The following RFTN2 variants were observed in gnomAD, a reference collection of about 807,000 sequenced individuals.
The protein encoded by RFTN2 is raftlin family member 2, also known as raftlin-2.
Under a neutral mutation model 52.7 loss-of-function variants are expected in RFTN2, and 34 were observed. The observed-to-expected ratio is 0.64, with a 90% CI of 0.49 to 0.86. RFTN2 has a LOEUF of 0.86. Ranked by LOEUF, RFTN2 falls within the 40% of genes least tolerant of loss-of-function variation. RFTN2 has a pLI of 0.00. For synonymous variants in RFTN2, 203 were observed against 217.7 expected (o/e 0.93, Z 0.59); for missense variants, 536 against 600.1 (o/e 0.89, Z 1.12).
chr2:197,573,811 C>A (rs2087366756), intron 8 of RFTN2, among the ~76,000 whole-genome samples: 1 of 152,228 alleles, frequency 6.6e-6, no homozygotes, highest in Non-Finnish European at 1.5e-5. Flanking sequence ...TGCTGCCCTG[C>A]ATCCCAGCCA....
chr2:197,619,784 T>TAA (rs1240340514), intron 5 of RFTN2, among the ~76,000 whole-genome samples: 1 of 147,770 alleles, frequency 6.8e-6, no homozygotes, highest in Non-Finnish European at 1.5e-5. Flanking sequence ...AAAATAAAAT[T>TAA]AAAAAAAAAC....
chr2:197,675,271 T>C lies in RFTN2; in HGVS notation c.139+49A>G, dbSNP rs1393035491. Reference sequence around the variant, plus strand: ...TAAGTCAACACTTAAAAATGACTAGTAGTCTCATCTCTGAAACATTTAACA... The same window carrying C: ...TAAGTCAACACTTAAAAATGACTAGCAGTCTCATCTCTGAAACATTTAACA... On this transcript the variant is annotated intron_variant, in intron 1 of 8. Coordinates refer to ENST00000295049, the MANE Select transcript of RFTN2 (RefSeq NM_144629.3). The C allele has an allele frequency of 4.9e-6, 7 of 1,437,332 alleles. No homozygotes were observed. In the South Asian group the frequency reaches 7.4e-5, roughly 15 times the overall value. The allele number at this position is 1,437,332 out of a possible 1,614,324, so 89.0% of individuals were successfully genotyped here. A position where few individuals can be genotyped will look rare whatever the true frequency, so the allele number is the denominator to read the frequency against.
intron 3 of RFTN2, among the ~76,000 whole-genome samples, chr2:197,639,230 T>G (rs1468093789): frequency 8.3e-6 from 1 of 121,184 alleles, no homozygotes; most frequent in Non-Finnish European, 1.7e-5. Flanking sequence ...GGAGTTGCTC[T>G]TCTCGAGGAG....
intron 1 of RFTN2, among the ~76,000 whole-genome samples, chr2:197,665,950 T>G (rs947116439): frequency 6.6e-6 from 1 of 152,218 alleles, no homozygotes; most frequent in Non-Finnish European, 1.5e-5. Context: ...TGTTTTATAC[T>G]TTTGTGTATT....
intron 1 of RFTN2, among the ~76,000 whole-genome samples, chr2:197,662,589 CTT>C (rs958206998): frequency 1.3e-5 from 2 of 151,424 alleles, no homozygotes; most frequent in African/African-American, 2.4e-5. Flanking sequence ...TATTCTGACT[CTT>C]TTGTGGTTCC....
intron 8 of RFTN2, among the ~76,000 whole-genome samples, chr2:197,585,034 C>A (rs2087573219): frequency 6.6e-6 from 1 of 152,206 alleles, no homozygotes; most frequent in East Asian, 1.9e-4. Context: ...AGGATCCTCC[C>A]TACTGGGTTC....
intron 1 of RFTN2, among the ~76,000 whole-genome samples, chr2:197,661,464 G>T (rs903621606): frequency 2.0e-5 from 3 of 151,980 alleles, no homozygotes; most frequent in South Asian, 2.1e-4. Flanking sequence ...CCCAGGCTGG[G>T]ATTTCATTCT....
chr2:197,624,597 C>CAAAAAAAAAAAAAAAA (rs746144794), intron 5 of RFTN2, among the ~76,000 whole-genome samples: 1 of 57,914 alleles, frequency 1.7e-5, no homozygotes. Flanking sequence ...GACTCTGTCT[C>CAAAAAAAAAAAAAAAA]AAAAAAAAAA....
chr2:197,620,756 A>G (rs1226091071), intron 5 of RFTN2, among the ~76,000 whole-genome samples: 1 of 152,158 alleles, frequency 6.6e-6, no homozygotes, highest in Non-Finnish European at 1.5e-5. Flanking sequence ...CACCTGCGGT[A>G]GGGAGTTTGA....
At chr2:197,638,149 T>C (rs1455911122) in intron 3 of RFTN2, among the ~76,000 whole-genome samples, 1 of 143,308 alleles carries the variant, frequency 7.0e-6, no homozygotes, top group Non-Finnish European at 1.5e-5. Flanking sequence ...GAGGAGAGCT[T>C]TACTTCCAAC....
At chr2:197,599,193 C>T (rs2087841719) in intron 7 of RFTN2, among the ~76,000 whole-genome samples, 1 of 152,160 alleles carries the variant, frequency 6.6e-6, no homozygotes, top group Admixed American at 6.5e-5. Context: ...CCCACCTCGG[C>T]CTCCCAAAGT....
Position 197,646,583 on chromosome 2 carries a change from T to A in RFTN2, c.223A>T (p.Ile75Phe). ...ATAACAGGATGAATAGCCCCGACAA[T>A]ATATCCTTTAAGATAATAGTTTTCC... ...KVENYYLKGY[I>F]VGAIHPVIQP... is the part of the protein sequence containing the mutation. The change falls in exon 2 of 9, where the codon ATT becomes TTT. Residue 75 changes from isoleucine to phenylalanine, a missense_variant. Transcript: ENST00000295049. The A allele has an allele frequency of 6.2e-7, 1 of 1,612,898 alleles. No homozygotes were observed.
intron 8 of RFTN2, among the ~76,000 whole-genome samples, chr2:197,590,659 G>A (rs1296326631): frequency 1.3e-5 from 2 of 152,198 alleles, no homozygotes; most frequent in Admixed American, 1.3e-4. Context: ...TCCTTCTGGT[G>A]TTTGGATGTG....
intron 8 of RFTN2, among the ~76,000 whole-genome samples, chr2:197,576,146 C>A (rs111703127): frequency 6.6e-6 from 1 of 151,774 alleles, no homozygotes; most frequent in Admixed American, 6.6e-5. Context: ...GTAGCTGGGA[C>A]TCCAGGCATG....
intron 7 of RFTN2, among the ~76,000 whole-genome samples, chr2:197,598,958 CTT>C (rs759636529): frequency 1.5e-4 from 22 of 145,174 alleles, no homozygotes; most frequent in Admixed American, 6.8e-5. Flanking sequence ...TCTTCTTCTT[CTT>C]TTTTTTTTTT....
intron 7 of RFTN2, among the ~76,000 whole-genome samples, chr2:197,605,414 A>C (rs1458661062): frequency 1.3e-5 from 2 of 151,876 alleles, no homozygotes; most frequent in African/African-American, 2.4e-5. Context: ...ACGGGGTTTC[A>C]CTGTGTTAGC....
chr2:197,634,014 G>A lies in RFTN2; in HGVS notation c.439-17C>T, dbSNP rs768954551. 1.9e-6 allele frequency: 3 copies of A among 1,592,652 alleles called. No individual in the cohort carries two copies. Among genetic ancestry groups the A allele is most frequent in the Non-Finnish European group, 2.6e-6 (3 of 1,167,926 alleles). On this transcript the variant is annotated splice_polypyrimidine_tract_variant and intron_variant, in intron 3 of 8. Transcript: ENST00000295049. ...GACATTAATCTGATATTTAAAAAGA[G>A]ATGGCAGAACAAAATGTAAACTCTA...
At chr2:197,579,476 A>G (rs1025854218) in intron 8 of RFTN2, among the ~76,000 whole-genome samples, 3 of 152,186 alleles carry the variant, frequency 2.0e-5, no homozygotes, top group African/African-American at 4.8e-5. Flanking sequence ...CTTGACTTCA[A>G]TGCAAACTCA....
At chr2:197,675,254 C>G (rs1042362926) in intron 1 of RFTN2, 66 bp downstream of exon 1, 32 of 1,271,536 alleles carry the variant, frequency 2.5e-5, no homozygotes, top group Non-Finnish European at 3.4e-5. Flanking sequence ...ATTAAGTCAA[C>G]ACTTAAAAAT....
Sources: gnomAD v4.1 joint callset for allele counts (sites outside exome capture counted in the v4.1 genomes callset) on GRCh38, gnomAD v4.1.1 for gene constraint, MANE v1.5 for transcripts, NCBI Gene and HGNC (gene_info 2026-07-23, HGNC 2026-07-21) for gene names.